Variants in CFAP46 observed in about 807,000 individuals in gnomAD.
The protein encoded by CFAP46 is cilia- and flagella-associated protein 46.
Under a neutral mutation model 325.7 loss-of-function variants are expected in CFAP46, and 245 were observed. The observed-to-expected ratio is 0.75, with a 90% CI of 0.68 to 0.84. The LOEUF is 0.84. Among genes scored for constraint, CFAP46 ranks in the 40% least tolerant of loss-of-function variants. CFAP46 has a pLI of 0.00. For missense variants in CFAP46, 3,346 were observed against 3,543.0 expected (o/e 0.94, Z 1.41); for synonymous variants, 1,523 against 1,495.9 (o/e 1.02, Z -0.42).
chr10:132,938,743 A>T lies in CFAP46; in HGVS notation c.382T>A (p.Leu128Met), dbSNP rs1335890558. 4 of 1,612,586 alleles carry T rather than the reference A, an allele frequency of 2.5e-6. No homozygotes were observed. The highest frequency in any genetic ancestry group is 3.3e-4 in the Middle Eastern group (2 of 6,008). The change falls in exon 5 of 58, where the codon TTG becomes ATG. Residue 128 changes from leucine to methionine, a missense_variant. Transcript: ENST00000368586. Reference sequence around the variant, plus strand: ...TAGAGGACTGATGCATTGTACACCAAAAAGTAGTACCTGCGGCGCGAGCAG... The same window carrying T: ...TAGAGGACTGATGCATTGTACACCATAAAGTAGTACCTGCGGCGCGAGCAG... ...FAKGEPRYYF[L>M]VYNASVLYWQ...
In CFAP46 at chr10:132,877,030, C is replaced by T. The variant is rs951638387; in HGVS notation, c.4213-69G>A. 4.0e-6 allele frequency: 6 copies of T among 1,482,972 alleles called. No homozygotes were observed. Among genetic ancestry groups the T allele is most frequent in the Admixed American group, 2.1e-5 (1 of 48,276 alleles). 91.9% of individuals were successfully genotyped at this position (1,482,972 alleles called of 1,614,324 possible). A position where few individuals can be genotyped will look rare whatever the true frequency, so the allele number is the denominator to read the frequency against. ...GAAACAGCAGACACCCCCGGCCCAC[C>T]GGCATGGCTGTGCAGCATTCAGGCC... On this transcript the variant is annotated intron_variant, in intron 30 of 57. Coordinates refer to ENST00000368586, the MANE Select transcript of CFAP46 (RefSeq NM_001200049.3). This position sits in a 1 kb window ranked among gnomAD's most constrained non-coding sequence, Gnocchi z 5.7.
chr10:132,862,233 C>G lies in CFAP46; in HGVS notation c.4891-1251G>C, dbSNP rs924607516. On this transcript the variant is annotated intron_variant, in intron 35 of 57. Transcript: ENST00000368586. ...CTCTGAGGAGGGAAGAGGGGGAGGC[C>G]CTTCGTGGCTGGGCCCAGAGAGAAG... is the stretch of plus-strand genomic sequence containing the variant. 3.3e-5 allele frequency among the ~76,000 whole-genome samples: 5 copies of G among 152,234 alleles called. No homozygotes were observed. The East Asian group carries it at 9.7e-4, about 30-fold the overall frequency.
chr10:132,815,551 G>C (rs775672798), intron 50 of CFAP46, among the ~76,000 whole-genome samples: 211 of 152,230 alleles, frequency 1.4e-3, no homozygotes, highest in Non-Finnish European at 1.5e-3. Flanking sequence ...AAGTAAATAT[G>C]TGCATTTTAT....
At position 132,814,229 on chromosome 10, in the gene CFAP46, G is replaced by A. The variant is rs1481158483; in HGVS notation, c.7311C>T (p.Thr2437=). 1 of 1,613,826 alleles carries A rather than the reference G, an allele frequency of 6.2e-7. No individual in the cohort carries two copies. Among genetic ancestry groups the A allele is most frequent in the Non-Finnish European group, 8.5e-7 (1 of 1,179,872 alleles). ...GPEMLTPVSI[T]QDILERFQDT... is the part of the protein sequence containing the mutation. Reference sequence around the variant, plus strand: ...CTTGGAATCTTTCCAAAATGTCTTGGGTGATGGAGACAGGAGTTAGCATTT... The same window carrying A: ...CTTGGAATCTTTCCAAAATGTCTTGAGTGATGGAGACAGGAGTTAGCATTT... The change falls in exon 54 of 58, where the codon ACC becomes ACT. Residue 2437 remains threonine, a synonymous_variant. Coordinates refer to ENST00000368586, the MANE Select transcript of CFAP46 (RefSeq NM_001200049.3).
In CFAP46 at chr10:132,860,773, G is replaced by T; in HGVS notation, c.5091+9C>A. ...CCGACATGCAGCCCCAGGTCCCCGT[G>T]CCTCTTACCGTAGCTTCCCTTCCTG... On this transcript the variant is annotated intron_variant, in intron 36 of 57. Transcript: ENST00000368586. The T allele has an allele frequency of 6.5e-7, 1 of 1,550,256 alleles. No homozygotes were observed. The highest frequency in any genetic ancestry group is 1.2e-5 in the South Asian group (1 of 84,036).
At chr10:132,912,250 C>T (rs1201777316) in intron 19 of CFAP46, among the ~76,000 whole-genome samples, 10 of 126,216 alleles carry the variant, frequency 7.9e-5, no homozygotes, top group Non-Finnish European at 1.3e-4. Flanking sequence ...TCTTTCCTCT[C>T]TCTCTCTTCC....
intron 41 of CFAP46, among the ~76,000 whole-genome samples, chr10:132,849,915 A>G (rs1398160758): frequency 1.3e-5 from 2 of 152,200 alleles, no homozygotes; most frequent in African/African-American, 4.8e-5. Context: ...GGGACACACC[A>G]GTTGCGTTGC....
rs563765379 is a variant in CFAP46 at position 132,905,582 on chromosome 10, G to C, written c.2924+2886C>G. On this transcript the variant is annotated intron_variant, in intron 22 of 57. Coordinates refer to ENST00000368586, the MANE Select transcript of CFAP46 (RefSeq NM_001200049.3). Reference sequence around the variant, plus strand: ...AAAATGGCTTATTTTGACCTGATATGTGACTGATGGTTTGGGTGAGCTTGA... The same window carrying C: ...AAAATGGCTTATTTTGACCTGATATCTGACTGATGGTTTGGGTGAGCTTGA... 2.6e-5 allele frequency among the ~76,000 whole-genome samples: 4 copies of C among 151,530 alleles called. No homozygotes were observed. The South Asian group carries it at 8.3e-4, about 32-fold the overall frequency.
chr10:132,885,845 A>G lies in CFAP46; in HGVS notation c.3419T>C (p.Val1140Ala). Reference protein sequence around the residue: ...GLKVLDEAVQVLPRTAHRLLI... With the variant: ...GLKVLDEAVQALPRTAHRLLI... ...CAGGCGGTGGGCCGTCCTTGGCAGCACCTGCACAGCCTCGTCCAGCACCTT... is the reference window on the plus strand; with the variant it reads ...CAGGCGGTGGGCCGTCCTTGGCAGCGCCTGCACAGCCTCGTCCAGCACCTT... Residue 1140 changes from valine to alanine, a missense_variant, in exon 26 of 58, where the codon GTG (valine) becomes GCG (alanine). Val to Ala is a moderately conservative substitution (Grantham distance 64). Transcript: ENST00000368586. The G allele has an allele frequency of 1.3e-6, 2 of 1,540,308 alleles. No homozygotes were observed. Among genetic ancestry groups the G allele is most frequent in the Non-Finnish European group, 1.8e-6 (2 of 1,141,478 alleles).
chr10:132,930,252 C>G (rs1443020214), intron 8 of CFAP46, among the ~76,000 whole-genome samples: 1 of 149,602 alleles, frequency 6.7e-6, no homozygotes, highest in Non-Finnish European at 1.5e-5. Context: ...TTCCTCCTCC[C>G]CACACAGAGC....
In CFAP46 at chr10:132,851,182, C is replaced by A. The variant is rs1158387902; in HGVS notation, c.5698G>T (p.Gly1900Trp). 6.2e-7 allele frequency: 1 copy of A among 1,614,116 alleles called. No homozygotes were observed. Among genetic ancestry groups the A allele is most frequent in the Non-Finnish European group, 8.5e-7 (1 of 1,180,040 alleles). Reference protein sequence around the residue: ...EEAHGQQSEQGSLEKLLADYL... With the variant: ...EEAHGQQSEQWSLEKLLADYL... Reference sequence around the variant, plus strand: ...TCCGCCAGCAGCTTCTCCAGGGACCCCTGCTCACTCTGCTGCCCGTGGGCC... The same window carrying A: ...TCCGCCAGCAGCTTCTCCAGGGACCACTGCTCACTCTGCTGCCCGTGGGCC... The change falls in exon 40 of 58, where the codon GGG becomes TGG. Residue 1900 changes from glycine to tryptophan, a missense_variant. By Grantham distance (184) the Gly-to-Trp change is radical. Transcript: ENST00000368586.
chr10:132,925,021 G>GGCCATTT, intron 10 of CFAP46, 135 bp from the exon 11 acceptor site: 2 of 662,306 alleles, frequency 3.0e-6, no homozygotes, highest in Non-Finnish European at 4.5e-6. Flanking sequence ...GCTCAAATCT[G>GGCCATTT]TCCGTGAAAA....
intron 41 of CFAP46, among the ~76,000 whole-genome samples, chr10:132,849,449 C>T (rs959097184): frequency 6.6e-6 from 1 of 152,174 alleles, no homozygotes; most frequent in Non-Finnish European, 1.5e-5. Flanking sequence ...GGGCATCTTC[C>T]TTAGGAGCTG....
Position 132,869,254 on chromosome 10 carries a change from C to G in CFAP46, c.4610+20G>C. 2.0e-6 allele frequency: 3 copies of G among 1,504,670 alleles called. No homozygotes were observed. The highest frequency in any genetic ancestry group is 2.7e-6 in the Non-Finnish European group (3 of 1,121,650). 93.2% of individuals were successfully genotyped at this position (1,504,670 alleles called of 1,614,324 possible). ...GGCGAGACTCAAACCCCAGGCGGCG[C>G]AGGGTGGGACGGCACACACCTGGCC... On this transcript the variant is annotated intron_variant, in intron 33 of 57. Coordinates refer to ENST00000368586, the MANE Select transcript of CFAP46 (RefSeq NM_001200049.3). This position sits in a 1 kb window ranked among gnomAD's most constrained non-coding sequence, Gnocchi z 6.2.
chr10:132,849,429 C>T (rs2135126850), intron 41 of CFAP46, among the ~76,000 whole-genome samples: 1 of 152,282 alleles, frequency 6.6e-6, no homozygotes, highest in South Asian at 2.1e-4. Context: ...GTGGTTGCTC[C>T]AGTCCCTGAG....
Position 132,817,241 on chromosome 10 carries a change from G to A in CFAP46, c.7118-2327C>T, listed in dbSNP as rs117242558. 1.2e-3 allele frequency among the ~76,000 whole-genome samples: 189 copies of A among 152,304 alleles called. 2 individuals carry two copies. In the South Asian group the frequency reaches 0.029, roughly 24 times the overall value. ...GATGTCCATGTCCCTAATAATGCCT[G>A]GCTCTAAAGTCTGTTTCCTCTGAGA... On this transcript the variant is annotated intron_variant, in intron 50 of 57. Transcript: ENST00000368586. This position sits in a 1 kb window ranked among gnomAD's most constrained non-coding sequence, Gnocchi z 4.4.
intron 9 of CFAP46, among the ~76,000 whole-genome samples, chr10:132,928,981 C>A (rs1849850435): frequency 6.6e-6 from 1 of 152,082 alleles, no homozygotes; most frequent in South Asian, 2.1e-4. Flanking sequence ...ATCCTAAACG[C>A]AGAAAAATGT....
chr10:132,836,275 C>G (rs747142173), intron 45 of CFAP46, 57 bp from the exon 46 acceptor site: 47 of 1,537,850 alleles, frequency 3.1e-5, no homozygotes, highest in Non-Finnish European at 3.8e-5. Context: ...ACACACCTCA[C>G]AGCCCAGCTC....
chr10:132,842,697 A>G (rs1848364663), intron 44 of CFAP46, among the ~76,000 whole-genome samples: 1 of 152,224 alleles, frequency 6.6e-6, no homozygotes, highest in South Asian at 2.1e-4. Flanking sequence ...AAAGGAAATT[A>G]TTTCTTACAG....
Sources: allele counts gnomAD v4.1 joint callset (sites outside exome capture counted in the v4.1 genomes callset), GRCh38; gene constraint gnomAD v4.1.1; non-coding constraint Gnocchi (gnomAD v3.1); transcripts MANE v1.5; gene names NCBI Gene and HGNC (gene_info 2026-07-23, HGNC 2026-07-21).